AFF1: variants seen among roughly 807,000 people sequenced by gnomAD.
AFF1 encodes ALF transcription elongation factor 1.
In AFF1, 48 loss-of-function variants were observed where a neutral mutation model predicts 121.7. The ratio of observed to expected loss-of-function variants is 0.39; its 90% confidence interval spans 0.31 to 0.50. The LOEUF is 0.50. Ranked by LOEUF, AFF1 falls within the 20% of genes least tolerant of loss-of-function variation. The probability of loss-of-function intolerance (pLI) is 0.76; values close to 1 mark genes in which losing one functional copy is unlikely to be tolerated. For synonymous variants in AFF1, 613 were observed against 563.0 expected, an observed-to-expected ratio of 1.09 and a Z score of -1.26; for missense variants, 1,523 against 1,511.7, an observed-to-expected ratio of 1.01 and a Z score of -0.12.
At chr4:86,998,999 T>C (rs1725480050) in intron 2 of AFF1, among the ~76,000 whole-genome samples, 1 of 152,200 alleles carries the variant, frequency 6.6e-6, no homozygotes, top group Non-Finnish European at 1.5e-5. Flanking sequence ...GGGTTGGAAT[T>C]GGGGCCATTC....
chr4:86,990,292 G>A (rs1332354608), intron 2 of AFF1, among the ~76,000 whole-genome samples: 1 of 149,668 alleles, frequency 6.7e-6, no homozygotes, highest in East Asian at 1.9e-4. Context: ...AGACCAGTCT[G>A]GGAAGTATAG....
intron 2 of AFF1, among the ~76,000 whole-genome samples, chr4:86,959,148 G>GTC (rs1721964459): frequency 6.6e-6 from 1 of 152,172 alleles, no homozygotes; most frequent in Admixed American, 6.5e-5. Flanking sequence ...TTGAGAAACT[G>GTC]TCAGCCTATC....
chr4:87,103,608 T>A (rs1725636324), intron 8 of AFF1, among the ~76,000 whole-genome samples: 1 of 152,162 alleles, frequency 6.6e-6, no homozygotes, highest in Non-Finnish European at 1.5e-5. Flanking sequence ...GCAGGGAAAA[T>A]TTTTAGAATC....
At chr4:87,009,899 A>G (rs1483728526) in intron 2 of AFF1, among the ~76,000 whole-genome samples, 1 of 152,206 alleles carries the variant, frequency 6.6e-6, no homozygotes, top group African/African-American at 2.4e-5. Context: ...ATTTAGACCG[A>G]CAGACTCATT....
At chr4:87,089,253 T>C (rs1724056169) in intron 5 of AFF1, among the ~76,000 whole-genome samples, 1 of 152,224 alleles carries the variant, frequency 6.6e-6, no homozygotes, top group Admixed American at 6.5e-5. Context: ...TTGACACATC[T>C]TTTTTCTGAC....
In AFF1 at chr4:87,126,189, A is replaced by G. The variant is rs201767936; in HGVS notation, c.2664A>G (p.Ala888=). The change falls in exon 14 of 21, where the codon GCA becomes GCG. Residue 888 remains alanine, a synonymous_variant. Coordinates refer to ENST00000395146, the MANE Select transcript of AFF1 (RefSeq NM_001166693.3). ...CCTCCCAGAAGCCAGCCAAGCCTGCACTTAAGAGGTCAAGGCGGGAAGCAG... is the reference window on the plus strand; with the variant it reads ...CCTCCCAGAAGCCAGCCAAGCCTGCGCTTAAGAGGTCAAGGCGGGAAGCAG... ...SSSSQKPAKP[A]LKRSRREADT... 6.2e-7 allele frequency: 1 copy of G among 1,614,116 alleles called. No individual in the cohort carries two copies.
chr4:87,137,214 CTA>C lies in AFF1; in HGVS notation c.*1516_*1517del, dbSNP rs1729372397. 1.3e-5 allele frequency: 3 copies of C among 228,322 alleles called. No homozygotes were observed. The highest frequency in any genetic ancestry group is 2.6e-5 in the Non-Finnish European group (3 of 114,852). The allele number at this position is 228,322 out of a possible 1,614,324, so 14.1% of individuals were successfully genotyped here. ...TTACTACAATTGAGGAGTGTCATCTCTATAACTTTTTCTCCGCCTTTGTCCCA... is the reference window on the plus strand; with the variant it reads ...TTACTACAATTGAGGAGTGTCATCTCTAACTTTTTCTCCGCCTTTGTCCCA... On this transcript the variant is annotated 3_prime_UTR_variant, in exon 21 of 21. Transcript: ENST00000395146.
chr4:87,041,042 A>G (rs1481205542), intron 2 of AFF1, among the ~76,000 whole-genome samples: 3 of 150,990 alleles, frequency 2.0e-5, no homozygotes, highest in Non-Finnish European at 1.5e-5. Context: ...CGCCCAGCTA[A>G]TATTTTGTAT....
At chr4:86,997,949 T>A (rs188913169) in intron 2 of AFF1, among the ~76,000 whole-genome samples, 4 of 151,754 alleles carry the variant, frequency 2.6e-5, no homozygotes, top group Admixed American at 2.0e-4. Context: ...ATACAAAAAA[T>A]TTGCCAGGTG....
At chr4:87,049,096 G>A (rs2064057) in intron 4 of AFF1, among the ~76,000 whole-genome samples, 303 of 6,136 alleles carry the variant, frequency 0.049, no homozygotes, top group South Asian at 0.07. Flanking sequence ...AAAAAAAAAA[G>A]GGGGGGGGGG....
At chr4:87,013,183 G>A (rs1337263257) in intron 2 of AFF1, among the ~76,000 whole-genome samples, 1 of 151,792 alleles carries the variant, frequency 6.6e-6, no homozygotes, top group Non-Finnish European at 1.5e-5. Context: ...TGGGAATACA[G>A]GCATGCTCCA....
At chr4:87,046,638 G>GT in intron 3 of AFF1, 57 bp from the exon 4 acceptor site, 3 of 1,528,384 alleles carry the variant, frequency 2.0e-6, no homozygotes, top group Non-Finnish European at 2.7e-6. Flanking sequence ...AACGTGGTTT[G>GT]TTAAATGGTA....
At chr4:86,983,311 T>G (rs577915099) in intron 2 of AFF1, among the ~76,000 whole-genome samples, 1 of 152,144 alleles carries the variant, frequency 6.6e-6, no homozygotes, top group Admixed American at 6.5e-5. Flanking sequence ...GAGAATCACC[T>G]GAGGTCGGAG....
chr4:87,134,640 C>G lies in AFF1; in HGVS notation c.3481C>G (p.Leu1161Val), dbSNP rs1281390332. ...CTATGTCACCATCACATCCCATGTT[C>G]TTACCGCCTTTGACCTTTGGGAACA... The part of the protein sequence containing the change: ...SSYVTITSHV[L>V]TAFDLWEQAE... The change falls in exon 20 of 21, where the codon CTT becomes GTT. Residue 1161 changes from leucine (L) to valine (V), a missense_variant. Physicochemically the swap from Leu to Val is conservative, Grantham distance 32. Coordinates refer to ENST00000395146, the MANE Select transcript of AFF1 (RefSeq NM_001166693.3). 1.2e-6 allele frequency: 2 copies of G among 1,614,172 alleles called. No individual in the cohort carries two copies. The highest frequency in any genetic ancestry group is 1.7e-5 in the Admixed American group (1 of 60,024).
At chr4:87,004,648 G>A (rs1195761153) in intron 2 of AFF1, among the ~76,000 whole-genome samples, 1 of 152,178 alleles carries the variant, frequency 6.6e-6, no homozygotes, top group Non-Finnish European at 1.5e-5. Flanking sequence ...GTTCCAGTGA[G>A]CATTTCCTTT....
intron 2 of AFF1, among the ~76,000 whole-genome samples, chr4:87,027,793 T>G (rs1298455781): frequency 1.4e-5 from 2 of 141,092 alleles, no homozygotes; most frequent in Admixed American, 7.0e-5. Context: ...GGTTTTTTTT[T>G]TTTTTTTTTT....
chr4:87,020,715 A>G (rs1226847914), intron 2 of AFF1: 2 of 773,572 alleles, frequency 2.6e-6, no homozygotes, highest in African/African-American at 3.8e-5. Context: ...CAGTCTCCTG[A>G]CCTCATGATC....
intron 11 of AFF1, among the ~76,000 whole-genome samples, chr4:87,113,821 A>AT (rs1726801983): frequency 6.6e-6 from 1 of 151,876 alleles, no homozygotes; most frequent in African/African-American, 2.4e-5. Context: ...AGCTATTATC[A>AT]TGCCACTGCA....
chr4:87,049,344 G>A lies in AFF1; in HGVS notation c.1059+1750G>A, dbSNP rs189146004. The stretch of plus-strand genomic sequence containing the variant: ...GAGTTTTCTCTCTCTGGAACGAGGT[G>A]CTTATAAACCTGTGTAATTCAGCCC... On this transcript the variant is annotated intron_variant, in intron 4 of 20. Coordinates refer to ENST00000395146, the MANE Select transcript of AFF1 (RefSeq NM_001166693.3). Among the ~76,000 whole-genome samples the A allele has an allele frequency of 2.3e-4, 35 of 150,776 alleles. No individual in the cohort carries two copies. The East Asian group carries it at 6.2e-3, about 27-fold the overall frequency.
Sources: allele counts gnomAD v4.1 joint callset (sites outside exome capture counted in the v4.1 genomes callset), GRCh38; gene constraint gnomAD v4.1.1; transcripts MANE v1.5; gene names NCBI Gene and HGNC (gene_info 2026-07-23, HGNC 2026-07-21).